The following ROBO2 variants were observed in gnomAD, a reference collection of about 807,000 sequenced individuals.
ROBO2 encodes roundabout guidance receptor 2.
A neutral mutation model predicts 160.8 loss-of-function variants in ROBO2; 53 were observed. That is an observed-to-expected ratio of 0.33 (90% CI 0.26 to 0.41). The LOEUF is 0.41. ROBO2 is among the 10% of genes least tolerant of loss of function. The pLI, the probability that ROBO2 is intolerant of heterozygous loss-of-function variation, is 1.00. For synonymous variants in ROBO2, 664 were observed against 611.7 expected, an observed-to-expected ratio of 1.09 and a Z score of -1.26; for missense variants, 1,577 against 1,722.4, an observed-to-expected ratio of 0.92 and a Z score of 1.49.
In ROBO2 at chr3:77,420,161, A is replaced by C. The variant is rs571464396; in HGVS notation, c.389-57253A>C. Among the ~76,000 whole-genome samples the C allele has an allele frequency of 2.0e-5, 3 of 152,234 alleles. No individual in the cohort carries two copies. In the South Asian group the frequency reaches 6.2e-4, roughly 32 times the overall value. The stretch of plus-strand genomic sequence containing the variant: ...GTAAGATGGAAGAGATGGTCATAAA[A>C]TGAAAGGGTGTTCTCAGTCTACAGT... On this transcript the variant is annotated intron_variant, in intron 2 of 25. Transcript: ENST00000461745.
chr3:77,637,660 T>C (rs1462831509), intron 24 of ROBO2, among the ~76,000 whole-genome samples: 2 of 152,204 alleles, frequency 1.3e-5, no homozygotes, highest in Admixed American at 6.5e-5. Flanking sequence ...AATCTAGTAA[T>C]TGATAATTTT....
chr3:76,957,653 A>G (rs2079365439), intron 2 of ROBO2, among the ~76,000 whole-genome samples: 1 of 151,940 alleles, frequency 6.6e-6, no homozygotes, highest in Non-Finnish European at 1.5e-5. Flanking sequence ...CAACATGATG[A>G]AACCCCGTCT....
At chr3:76,172,763 C>T (rs2073090329) in intron 2 of ROBO2, among the ~76,000 whole-genome samples, 1 of 152,030 alleles carries the variant, frequency 6.6e-6, no homozygotes, top group Non-Finnish European at 1.5e-5. Context: ...AGTGACCACT[C>T]TGGAAACAAT....
chr3:77,001,069 C>T (rs2061313711), intron 2 of ROBO2, among the ~76,000 whole-genome samples: 1 of 152,160 alleles, frequency 6.6e-6, no homozygotes. Context: ...CAAGCACCAA[C>T]TCTAAAACGG....
At chr3:76,803,480 G>A (rs1466273539) in intron 2 of ROBO2, among the ~76,000 whole-genome samples, 1 of 148,508 alleles carries the variant, frequency 6.7e-6, no homozygotes, top group African/African-American at 2.5e-5. Context: ...AGGAAGGGAG[G>A]GAGGGAGGGA....
intron 2 of ROBO2, among the ~76,000 whole-genome samples, chr3:76,374,003 C>T (rs964865712): frequency 2.6e-5 from 4 of 151,958 alleles, no homozygotes; most frequent in African/African-American, 9.7e-5. Flanking sequence ...AGTTTGTTCA[C>T]ATGGCAGCAG....
chr3:76,179,055 T>C (rs1035316531), intron 2 of ROBO2, among the ~76,000 whole-genome samples: 1 of 152,158 alleles, frequency 6.6e-6, no homozygotes, highest in Non-Finnish European at 1.5e-5. Context: ...ATTAATATCA[T>C]TATTTGCACT....
intron 2 of ROBO2, among the ~76,000 whole-genome samples, chr3:76,596,961 G>T (rs1250213502): frequency 1.3e-5 from 2 of 152,204 alleles, no homozygotes; most frequent in East Asian, 3.9e-4. Context: ...TGTTATCTAT[G>T]CTGTCATATC....
intron 2 of ROBO2, among the ~76,000 whole-genome samples, chr3:76,504,653 C>A (rs572250962): frequency 6.6e-6 from 1 of 150,514 alleles, no homozygotes; most frequent in African/African-American, 2.4e-5. Context: ...CTCAGCCTCC[C>A]GAGTAGCTGG....
chr3:76,368,415 A>G (rs1434692841), intron 2 of ROBO2, among the ~76,000 whole-genome samples: 1 of 151,886 alleles, frequency 6.6e-6, no homozygotes, highest in African/African-American at 2.4e-5. Flanking sequence ...TATGTCATTG[A>G]CCAAGGCCAG....
chr3:77,280,792 G>GCT (rs1199831651), intron 2 of ROBO2, among the ~76,000 whole-genome samples: 2 of 152,096 alleles, frequency 1.3e-5, no homozygotes, highest in Admixed American at 1.3e-4. Context: ...TCCTTTCAGT[G>GCT]CTCCTGCCTT....
chr3:77,508,092 G>A (rs1010396909), intron 5 of ROBO2, among the ~76,000 whole-genome samples: 6 of 151,800 alleles, frequency 4.0e-5, no homozygotes, highest in Admixed American at 1.3e-4. Context: ...GATCTTATAT[G>A]AATGTAGAAA....
At chr3:76,163,895 T>G (rs1482009465) in intron 2 of ROBO2, among the ~76,000 whole-genome samples, 1 of 152,134 alleles carries the variant, frequency 6.6e-6, no homozygotes, top group Non-Finnish European at 1.5e-5. Flanking sequence ...CTGTGGCAAT[T>G]TCTTAAAATA....
At chr3:77,407,701 G>A (rs1294177404) in intron 2 of ROBO2, among the ~76,000 whole-genome samples, 1 of 152,154 alleles carries the variant, frequency 6.6e-6, no homozygotes, top group Non-Finnish European at 1.5e-5. Flanking sequence ...CCAGGCTATT[G>A]CCTAAACCAA....
At chr3:77,085,519 GT>G (rs2069189366) in intron 1 of ROBO2, among the ~76,000 whole-genome samples, 3 of 152,018 alleles carry the variant, frequency 2.0e-5, no homozygotes. Flanking sequence ...CTTCTGTTCA[GT>G]TTGGCCAACT....
chr3:77,085,004 A>G (rs1053191134), intron 1 of ROBO2, among the ~76,000 whole-genome samples: 6 of 152,122 alleles, frequency 3.9e-5, no homozygotes, highest in African/African-American at 1.4e-4. Flanking sequence ...GGAAATTTAA[A>G]GTTTTATTAA....
At chr3:76,980,408 G>A (rs78745999) in intron 2 of ROBO2, among the ~76,000 whole-genome samples, 3,115 of 152,234 alleles carry the variant, frequency 0.02, 77 homozygotes, top group African/African-American at 0.069. Context: ...GGCAGCTGGA[G>A]GATGAACGGT....
chr3:77,014,534 C>T (rs1196555937), intron 2 of ROBO2, among the ~76,000 whole-genome samples: 1 of 152,178 alleles, frequency 6.6e-6, no homozygotes, highest in Non-Finnish European at 1.5e-5. Context: ...TTCTAAGATG[C>T]AAGACCCCTG....
At chr3:76,034,392 A>G (rs2067031399) in intron 2 of ROBO2, among the ~76,000 whole-genome samples, 1 of 152,136 alleles carries the variant, frequency 6.6e-6, no homozygotes, top group South Asian at 2.1e-4. Flanking sequence ...TTTCTATTAT[A>G]TTTTTCTCCC....
Sources: gnomAD v4.1 joint callset for allele counts (sites outside exome capture counted in the v4.1 genomes callset) on GRCh38, gnomAD v4.1.1 for gene constraint, MANE v1.5 for transcripts, NCBI Gene and HGNC (gene_info 2026-07-23, HGNC 2026-07-21) for gene names.